The following RPAP2 variants were observed in gnomAD, a reference collection of about 807,000 sequenced individuals.
RPAP2 encodes putative RNA polymerase II subunit B1 CTD phosphatase RPAP2.
RPAP2 carries 52 observed loss-of-function variants against 73.1 expected under a neutral mutation model. That is an observed-to-expected ratio of 0.71 (90% CI 0.57 to 0.90). The LOEUF is 0.90. Among genes scored for constraint, RPAP2 ranks in the 40% least tolerant of loss-of-function variants. RPAP2 has a pLI of 0.00. For missense variants in RPAP2, 598 were observed against 701.8 expected, an observed-to-expected ratio of 0.85 and a Z score of 1.67; for synonymous variants, 225 against 242.1, an observed-to-expected ratio of 0.93 and a Z score of 0.65.
At chr1:92,300,101 A>C (rs1202744620) in intron 1 of RPAP2, 93 bp from the exon 2 acceptor site, 2 of 798,708 alleles carry the variant, frequency 2.5e-6, no homozygotes, top group Non-Finnish European at 4.2e-6. Context: ...CAGTAAAAAT[A>C]CAGTATTTTA....
At chr1:92,350,314 AAG>A (rs1654131706) in intron 11 of RPAP2, among the ~76,000 whole-genome samples, 2 of 152,218 alleles carry the variant, frequency 1.3e-5, no homozygotes, top group Admixed American at 1.3e-4. Flanking sequence ...GTTACAATTA[AAG>A]ACTCTCAAGC....
intron 12 of RPAP2, among the ~76,000 whole-genome samples, chr1:92,381,270 G>C (rs1571150158): frequency 6.6e-6 from 1 of 152,208 alleles, no homozygotes. Context: ...CCCTTTCAGT[G>C]AAATCAACCC....
At chr1:92,299,309 G>A (rs1177473918) in intron 1 of RPAP2, among the ~76,000 whole-genome samples, 163 bp downstream of exon 1, 1 of 152,198 alleles carries the variant, frequency 6.6e-6, no homozygotes, top group African/African-American at 2.4e-5. Context: ...CACCTCCTGG[G>A]AAAGATTTCC....
chr1:92,394,578 G>A lies in RPAP2; in HGVS notation c.*7567G>A, dbSNP rs943008655. The A allele has an allele frequency of 1.3e-5, 2 of 152,236 alleles. No homozygotes were observed. The highest frequency in any genetic ancestry group is 6.6e-5 in the Admixed American group (1 of 15,266). 9.4% of individuals were successfully genotyped at this position (152,236 alleles called of 1,614,324 possible). A position where few individuals can be genotyped will look rare whatever the true frequency, so the allele number is the denominator to read the frequency against. ...TACATTGGGAGGATTGCCTGAGCTT[G>A]GGAGGTTGAGGCTGCAGTTAGCTGT... is the stretch of plus-strand genomic sequence containing the variant. On this transcript the variant is annotated 3_prime_UTR_variant, in exon 13 of 13. Coordinates refer to ENST00000610020, the MANE Select transcript of RPAP2 (RefSeq NM_024813.3).
At chr1:92,306,463 A>G (rs910881096) in intron 5 of RPAP2, among the ~76,000 whole-genome samples, 2 of 152,240 alleles carry the variant, frequency 1.3e-5, no homozygotes, top group Non-Finnish European at 2.9e-5. Flanking sequence ...AAACAACTCA[A>G]TTGTCTATAA....
At chr1:92,371,304 CAA>C (rs1304166097) in intron 11 of RPAP2, among the ~76,000 whole-genome samples, 1,087 of 90,412 alleles carry the variant, frequency 0.012, 18 homozygotes, top group African/African-American at 0.046. Context: ...GTCTCTGTCT[CAA>C]AAAAAAAAAA....
intron 11 of RPAP2, among the ~76,000 whole-genome samples, chr1:92,354,965 C>G (rs1038944375): frequency 6.6e-6 from 1 of 151,336 alleles, no homozygotes; most frequent in African/African-American, 2.4e-5. Flanking sequence ...GTGGCACGAT[C>G]TCAGCTCATT....
chr1:92,302,150 G>T (rs745758469), intron 3 of RPAP2, among the ~76,000 whole-genome samples: 9 of 152,194 alleles, frequency 5.9e-5, no homozygotes, highest in South Asian at 4.2e-4. Context: ...TGTGGCTCAT[G>T]CCTGTAATCC....
At chr1:92,362,635 C>A (rs984698342) in intron 11 of RPAP2, among the ~76,000 whole-genome samples, 2 of 152,176 alleles carry the variant, frequency 1.3e-5, no homozygotes, top group South Asian at 2.1e-4. Flanking sequence ...CTGCTCAAAA[C>A]TGCTTGGTGA....
rs1461773468 is a variant in RPAP2, at chr1:92,387,833, C to G, written c.*822C>G. ...TCCACCAGTAATTAGCTCTGTGGCC[C>G]AGTCACCTAAACTTTCTGGACTTCA... On this transcript the variant is annotated 3_prime_UTR_variant, in exon 13 of 13. Transcript: ENST00000610020. 2 of 152,172 alleles carry G rather than the reference C, an allele frequency of 1.3e-5. No individual in the cohort carries two copies. Among genetic ancestry groups the G allele is most frequent in the East Asian group, 3.9e-4 (2 of 5,192 alleles). 9.4% of individuals were successfully genotyped at this position (152,172 alleles called of 1,614,324 possible).
At position 92,390,956 on chromosome 1, in the gene RPAP2, T is replaced by C. The variant is rs1014324934; in HGVS notation, c.*3945T>C. On this transcript the variant is annotated 3_prime_UTR_variant, in exon 13 of 13. Transcript: ENST00000610020. ...TTAATGGGTGACTTTAACACCCCAC[T>C]GTCAATATTAGACAGATCAACAAGA... 8.5e-5 allele frequency: 13 copies of C among 152,198 alleles called. No individual in the cohort carries two copies. Among genetic ancestry groups the C allele is most frequent in the African/African-American group, 3.1e-4 (13 of 41,442 alleles). The allele number at this position is 152,198 out of a possible 1,614,324, so 9.4% of individuals were successfully genotyped here. A position where few individuals can be genotyped will look rare whatever the true frequency, so the allele number is the denominator to read the frequency against.
chr1:92,306,711 C>T (rs957855583), intron 5 of RPAP2, among the ~76,000 whole-genome samples: 5 of 151,960 alleles, frequency 3.3e-5, no homozygotes, highest in Admixed American at 1.3e-4. Flanking sequence ...TGTGGTGGCA[C>T]GCCTGTAGTC....
Position 92,323,780 on chromosome 1 carries a change from C to T in RPAP2, c.860C>T (p.Thr287Ile). Residue 287 changes from threonine to isoleucine, a missense_variant, in exon 8 of 13, where the codon ACA (threonine) becomes ATA (isoleucine). Thr to Ile is a moderately conservative substitution (Grantham distance 89). Transcript: ENST00000610020. ...CKLDSQEKDA[T>I]CELPLQKVNT... is the part of the protein sequence containing the mutation. ...TTAGATAGTCAGGAGAAAGATGCTA[C>T]ATGTGAACTTCCTTTACAGAAAGTA... 2 of 1,614,062 alleles carry T rather than the reference C, an allele frequency of 1.2e-6. No individual in the cohort carries two copies. The highest frequency in any genetic ancestry group is 1.7e-6 in the Non-Finnish European group (2 of 1,179,924).
chr1:92,373,733 TAAAAATAAAA>T (rs1655254332), intron 11 of RPAP2, among the ~76,000 whole-genome samples: 20 of 40,906 alleles, frequency 4.9e-4, no homozygotes, highest in East Asian at 4.4e-3. Context: ...CCGTCTCTAC[TAAAAATAAAA>T]AAAAAAAAAA....
At chr1:92,377,380 G>T (rs1342453311) in intron 11 of RPAP2, among the ~76,000 whole-genome samples, 1 of 152,054 alleles carries the variant, frequency 6.6e-6, no homozygotes, top group Non-Finnish European at 1.5e-5. Context: ...TTAGCTGGGC[G>T]TGGTGGCACA....
intron 11 of RPAP2, among the ~76,000 whole-genome samples, chr1:92,380,103 C>T (rs1452230946): frequency 6.6e-6 from 1 of 150,968 alleles, no homozygotes; most frequent in Non-Finnish European, 1.5e-5. Flanking sequence ...CATGGTGAAA[C>T]CCCGTCTCTA....
Sources: allele counts gnomAD v4.1 joint callset (sites outside exome capture counted in the v4.1 genomes callset), GRCh38; gene constraint gnomAD v4.1.1; transcripts MANE v1.5; gene names NCBI Gene and HGNC (gene_info 2026-07-23, HGNC 2026-07-21).